Variants in LPIN1 observed in about 807,000 individuals in gnomAD.
LPIN1 encodes lipin 1, also known as phosphatidate phosphatase LPIN1.
A neutral mutation model predicts 107.5 loss-of-function variants in LPIN1; 71 were observed. That is an observed-to-expected ratio of 0.66 (90% CI 0.55 to 0.80). The LOEUF (loss-of-function observed/expected upper bound fraction) is 0.80, where lower values mean the gene tolerates loss of function less well. Ranked by LOEUF, LPIN1 falls within the 30% of genes least tolerant of loss-of-function variation. The pLI is 0.00. For missense variants in LPIN1, 1,043 were observed against 1,160.6 expected (o/e 0.90, Z 1.47); for synonymous variants, 445 against 452.6 (o/e 0.98, Z 0.21).
intron 7 of LPIN1, 142 bp from the exon 8 acceptor site, chr2:11,782,059 A>G (rs961256324): frequency 1.6e-5 from 11 of 703,392 alleles, no homozygotes; most frequent in South Asian, 3.3e-5. Context: ...TTTGGCAGGT[A>G]TAGAAATCAC....
At chr2:11,793,594 C>T (rs1676157024) in intron 13 of LPIN1, among the ~76,000 whole-genome samples, 7 of 152,172 alleles carry the variant, frequency 4.6e-5, no homozygotes, top group Admixed American at 4.6e-4. Flanking sequence ...GCTTCAATGG[C>T]TGAAGGTACC....
intron 3 of LPIN1, among the ~76,000 whole-genome samples, chr2:11,769,107 A>G (rs1486942241): frequency 6.6e-6 from 1 of 152,240 alleles, no homozygotes; most frequent in East Asian, 1.9e-4. Context: ...TTGCTGGGCC[A>G]TGTGGTAACT....
At chr2:11,789,625 G>C (rs1411481560) in intron 12 of LPIN1, among the ~76,000 whole-genome samples, 3 of 152,128 alleles carry the variant, frequency 2.0e-5, no homozygotes, top group African/African-American at 7.2e-5. Context: ...TCTCATCCTG[G>C]GTGGTGCTTT....
chr2:11,724,637 G>T, intron 1 of LPIN1: 2 of 985,500 alleles, frequency 2.0e-6, no homozygotes, highest in Non-Finnish European at 2.4e-6. Context: ...TCCTCTGAAA[G>T]CTAAGGTAAA....
intron 1 of LPIN1, among the ~76,000 whole-genome samples, chr2:11,688,931 C>A (rs999639692): frequency 6.6e-6 from 1 of 152,176 alleles, no homozygotes; most frequent in Non-Finnish European, 1.5e-5. Flanking sequence ...GTTCTAGTTT[C>A]TACCCAATTA....
intron 1 of LPIN1, among the ~76,000 whole-genome samples, chr2:11,731,070 A>T (rs953304352): frequency 4.6e-5 from 7 of 152,124 alleles, no homozygotes; most frequent in East Asian, 1.9e-4. Flanking sequence ...AACACAATTT[A>T]AAAAAATTAT....
At chr2:11,760,955 A>G (rs1336885020) in intron 1 of LPIN1, among the ~76,000 whole-genome samples, 1 of 152,090 alleles carries the variant, frequency 6.6e-6, no homozygotes, top group Non-Finnish European at 1.5e-5. Context: ...TCACTTCAAA[A>G]TCCAAAGACC....
At position 11,783,912 on chromosome 2, in the gene LPIN1, T is replaced by G; in HGVS notation, c.1348T>G (p.Phe450Val). 6.2e-7 allele frequency: 1 copy of G among 1,614,092 alleles called. No homozygotes were observed. The highest frequency in any genetic ancestry group is 8.5e-7 in the Non-Finnish European group (1 of 1,179,964). Residue 450 changes from phenylalanine to valine, a missense_variant, in exon 9 of 21, where the codon TTT becomes GTT. Coordinates refer to ENST00000674199, the MANE Select transcript of LPIN1 (RefSeq NM_001349206.2). ...GGATCCTGAAGTGGCGGCCCTGTAT[T>G]TTCCCAAAAAGTAAAATTCCTGTTA... ...DMDPEVAALY[F>V]PKNGDPSGLA... is the part of the protein sequence containing the mutation.
upstream of LPIN1, among the ~76,000 whole-genome samples, chr2:11,744,335 C>T (rs976729324): frequency 8.5e-5 from 13 of 152,230 alleles, no homozygotes; most frequent in Non-Finnish European, 1.9e-4. Flanking sequence ...CAGCCAGTGC[C>T]TGATCAAAAG....
At chr2:11,775,862 T>C (rs2148643354) in intron 5 of LPIN1, among the ~76,000 whole-genome samples, 1 of 147,874 alleles carries the variant, frequency 6.8e-6, no homozygotes, top group South Asian at 2.1e-4. Flanking sequence ...GTATATATAC[T>C]TTGTAATTAT....
chr2:11,768,979 A>C (rs529267102), intron 3 of LPIN1, among the ~76,000 whole-genome samples: 1 of 151,878 alleles, frequency 6.6e-6, no homozygotes, highest in African/African-American at 2.4e-5. Context: ...AAAAAAACCA[A>C]CTTGGGTTGT....
At chr2:11,780,964 A>C (rs1004425574) in intron 7 of LPIN1, among the ~76,000 whole-genome samples, 2 of 152,258 alleles carry the variant, frequency 1.3e-5, no homozygotes, top group African/African-American at 2.4e-5. Flanking sequence ...TGAAATGAAC[A>C]CAATCTTTTC....
At chr2:11,745,074 G>A (rs1666760853), upstream of LPIN1, 1 of 152,210 alleles carries the variant, frequency 6.6e-6, no homozygotes, top group South Asian at 2.1e-4. Flanking sequence ...AATTCACTAA[G>A]CTGCCGCATT....
At chr2:11,793,604 C>T (rs80238808) in intron 13 of LPIN1, among the ~76,000 whole-genome samples, 3,503 of 152,274 alleles carry the variant, frequency 0.023, 146 homozygotes, top group African/African-American at 0.081. Flanking sequence ...CTGAAGGTAC[C>T]TTCTACCCTG....
rs150452670 is a variant in LPIN1 at position 11,711,716 on chromosome 2, C to A, written c.82-2040C>A. Among the ~76,000 whole-genome samples, 290 of 152,276 alleles carry A rather than the reference C, an allele frequency of 1.9e-3. 4 individuals carry two copies. The highest frequency in any genetic ancestry group is 2.4e-3 in the Non-Finnish European group (161 of 68,034). The stretch of plus-strand genomic sequence containing the variant: ...GTTCAGAGCTCATCTTCCTCTTTGT[C>A]CCACTGTCATCACCTTGGTCCATAT... On this transcript the variant is annotated intron_variant, in intron 1 of 21. Transcript: ENST00000449576.
intron 14 of LPIN1, 45 bp downstream of exon 14, chr2:11,795,532 T>C: frequency 6.5e-7 from 1 of 1,534,580 alleles, no homozygotes; most frequent in Non-Finnish European, 9.0e-7. Flanking sequence ...CCTTTCCGCA[T>C]CCAAGTTCAT....
At chr2:11,685,108 G>A (rs1008334864) in intron 1 of LPIN1, among the ~76,000 whole-genome samples, 1 of 152,226 alleles carries the variant, frequency 6.6e-6, no homozygotes, top group Non-Finnish European at 1.5e-5. Context: ...TTTCAATGGG[G>A]AGGTTGGGGA....
intron 17 of LPIN1, among the ~76,000 whole-genome samples, chr2:11,809,000 G>C (rs1679196413): frequency 6.6e-6 from 1 of 152,076 alleles, no homozygotes; most frequent in African/African-American, 2.4e-5. Context: ...TTTGGATCTA[G>C]TCAGCCCATG....
chr2:11,744,447 C>T (rs181515101), upstream of LPIN1, among the ~76,000 whole-genome samples: 1 of 152,302 alleles, frequency 6.6e-6, no homozygotes, highest in East Asian at 1.9e-4. Flanking sequence ...AAGGCTCCCC[C>T]CAACCCTTGG....
Sources: gnomAD v4.1 joint callset for allele counts (sites outside exome capture counted in the v4.1 genomes callset) on GRCh38, gnomAD v4.1.1 for gene constraint, MANE v1.5 for transcripts, NCBI Gene and HGNC (gene_info 2026-07-23, HGNC 2026-07-21) for gene names.